Variants in EFCAB13 observed in about 807,000 individuals in gnomAD.
EFCAB13 encodes EF-hand calcium-binding domain-containing protein 13.
Under a neutral mutation model 110.2 loss-of-function variants are expected in EFCAB13, and 91 were observed. The observed-to-expected ratio is 0.83, with a 90% CI of 0.70 to 0.98. EFCAB13 has a LOEUF of 0.98. EFCAB13 is among the 50% of genes least tolerant of loss of function. The pLI is 0.00. For missense variants in EFCAB13, 968 were observed against 1,119.4 expected (o/e 0.86, Z 1.93); for synonymous variants, 323 against 369.9 (o/e 0.87, Z 1.45).
intron 9 of EFCAB13, among the ~76,000 whole-genome samples, chr17:47,351,659 T>C (rs544310983): frequency 6.6e-6 from 1 of 152,180 alleles, no homozygotes; most frequent in Non-Finnish European, 1.5e-5. Context: ...TTGATCTGTT[T>C]GAGTTCTTGG....
At chr17:47,368,374 C>T (rs888038388) in intron 10 of EFCAB13, among the ~76,000 whole-genome samples, 10 of 152,092 alleles carry the variant, frequency 6.6e-5, no homozygotes, top group African/African-American at 2.2e-4. Flanking sequence ...GGCAGACCCA[C>T]GGTTCATTGG....
Position 47,402,130 on chromosome 17 carries a change from A to G in EFCAB13, c.1946-2A>G. ...GTCTATTAAAAGTGTTTTTTCTCAC[A>G]GAAGGTGACAAAGTACAATTTGAAG... On this transcript the variant is annotated splice_acceptor_variant, in intron 17 of 24. Coordinates refer to ENST00000331493, the MANE Select transcript of EFCAB13 (RefSeq NM_152347.5). LOFTEE classifies it high-confidence loss of function. The G allele has an allele frequency of 1.9e-6, 3 of 1,613,610 alleles. No individual in the cohort carries two copies. Among genetic ancestry groups the G allele is most frequent in the Non-Finnish European group, 2.5e-6 (3 of 1,179,706 alleles).
intron 6 of EFCAB13, among the ~76,000 whole-genome samples, chr17:47,343,409 C>G (rs1263529780): frequency 6.6e-6 from 1 of 151,902 alleles, no homozygotes; most frequent in African/African-American, 2.4e-5. Context: ...TAACCTGGAG[C>G]TGGGATAGAG....
At chr17:47,389,731 A>G (rs910597609) in intron 14 of EFCAB13, among the ~76,000 whole-genome samples, 7 of 152,094 alleles carry the variant, frequency 4.6e-5, no homozygotes, top group Non-Finnish European at 7.4e-5. Context: ...TCCATGTGGT[A>G]TTGGATGTAT....
At chr17:47,372,933 C>T (rs2065593450) in intron 11 of EFCAB13, among the ~76,000 whole-genome samples, 1 of 151,960 alleles carries the variant, frequency 6.6e-6, no homozygotes, top group Non-Finnish European at 1.5e-5. Context: ...AGGCATTTGG[C>T]CTTCCTGTAC....
intron 11 of EFCAB13, among the ~76,000 whole-genome samples, chr17:47,373,865 T>G (rs1869359070): frequency 1.3e-5 from 2 of 152,180 alleles, no homozygotes; most frequent in African/African-American, 4.8e-5. Context: ...CATAGAGTTG[T>G]TTTGAGGATC....
intron 23 of EFCAB13, among the ~76,000 whole-genome samples, chr17:47,419,659 CT>C (rs1904565448): frequency 1.3e-5 from 2 of 152,206 alleles, no homozygotes; most frequent in African/African-American, 4.8e-5. Flanking sequence ...TTGGAGGAGC[CT>C]AGCTTAGTTC....
At chr17:47,359,371 C>A (rs995317957) in intron 9 of EFCAB13, among the ~76,000 whole-genome samples, 1 of 151,888 alleles carries the variant, frequency 6.6e-6, no homozygotes, top group East Asian at 1.9e-4. Flanking sequence ...AAAGACTAAT[C>A]GAATGAACAA....
intron 9 of EFCAB13, among the ~76,000 whole-genome samples, chr17:47,351,324 C>CGT (rs2065451956): frequency 3.5e-5 from 3 of 86,292 alleles, no homozygotes; most frequent in Admixed American, 2.0e-4. Flanking sequence ...CGCGCGCGCG[C>CGT]GCGCCACGTT....
At chr17:47,424,226 C>G (rs1276226441) in intron 23 of EFCAB13, among the ~76,000 whole-genome samples, 2 of 152,186 alleles carry the variant, frequency 1.3e-5, no homozygotes, top group Non-Finnish European at 1.5e-5. Flanking sequence ...AGGGGGGCTG[C>G]GGGGACTCCC....
At position 47,355,728 on chromosome 17, in the gene EFCAB13, A is replaced by G. The variant is rs113278399; in HGVS notation, c.662-5650A>G. Among the ~76,000 whole-genome samples, 1,299 of 151,922 alleles carry G rather than the reference A, an allele frequency of 8.6e-3. 13 individuals carry two copies. Among genetic ancestry groups the G allele is most frequent in the African/African-American group, 0.027 (1,107 of 41,426 alleles). ...GCTGGGACTACAGTCGCGCGCCACCAAACCCAGCTAATTTTTGTATTTTTA... is the reference window on the plus strand; with the variant it reads ...GCTGGGACTACAGTCGCGCGCCACCGAACCCAGCTAATTTTTGTATTTTTA... On this transcript the variant is annotated intron_variant, in intron 9 of 24. Transcript: ENST00000331493.
chr17:47,347,423 A>C lies in EFCAB13; in HGVS notation c.518-385A>C, dbSNP rs185593432. ...GCACTAGAAACAGAAGAATGAAAAA[A>C]TCTTGCTCCATAGAAGCTGACAGTT... On this transcript the variant is annotated intron_variant, in intron 8 of 24. Coordinates refer to ENST00000331493, the MANE Select transcript of EFCAB13 (RefSeq NM_152347.5). 3.3e-5 allele frequency among the ~76,000 whole-genome samples: 5 copies of C among 152,222 alleles called. No individual in the cohort carries two copies. The East Asian group carries it at 9.7e-4, about 30-fold the overall frequency.
chr17:47,339,350 C>T (rs143156164), intron 5 of EFCAB13, among the ~76,000 whole-genome samples: 3 of 151,960 alleles, frequency 2.0e-5, no homozygotes, highest in African/African-American at 7.2e-5. Flanking sequence ...TTTCCATGGA[C>T]GAGGGGATGG....
At position 47,367,268 on chromosome 17, in the gene EFCAB13, T is replaced by C. The variant is rs573733523; in HGVS notation, c.806-3169T>C. ...CACATAGTACTTGCTTTGCAGTGAT[T>C]TAAAGGCCTGCACCTGAAATACATA... On this transcript the variant is annotated intron_variant, in intron 10 of 24. Coordinates refer to ENST00000331493, the MANE Select transcript of EFCAB13 (RefSeq NM_152347.5). 1.5e-4 allele frequency among the ~76,000 whole-genome samples: 23 copies of C among 152,340 alleles called. No individual in the cohort carries two copies. The East Asian group carries it at 4.4e-3, about 29-fold the overall frequency.
intron 16 of EFCAB13, among the ~76,000 whole-genome samples, chr17:47,395,134 T>A (rs1410858220): frequency 6.6e-6 from 1 of 152,188 alleles, no homozygotes; most frequent in African/African-American, 2.4e-5. Flanking sequence ...CTAGACTGTC[T>A]TGCCTCCGTG....
intron 20 of EFCAB13, among the ~76,000 whole-genome samples, chr17:47,408,630 C>T (rs560135691): frequency 9.2e-5 from 14 of 152,002 alleles, no homozygotes; most frequent in Non-Finnish European, 1.9e-4. Flanking sequence ...CCAGTCGGGG[C>T]GACAGAACAA....
intron 6 of EFCAB13, 126 bp downstream of exon 6, chr17:47,342,158 C>A: frequency 1.8e-6 from 1 of 555,478 alleles, no homozygotes; most frequent in South Asian, 2.7e-5. Context: ...CCTGGTCTTG[C>A]TTCTCCTCTT....
intron 17 of EFCAB13, among the ~76,000 whole-genome samples, chr17:47,398,083 C>G (rs1310329226): frequency 1.4e-5 from 2 of 142,824 alleles, no homozygotes; most frequent in South Asian, 2.2e-4. Context: ...GCCCGCCGCC[C>G]GGCCAGCCGC....
Position 47,379,073 on chromosome 17 carries a change from GATGAA to G in EFCAB13, c.1511-103_1511-99del, listed in dbSNP as rs1354101005. ...ACATGATATGAAGGAGAAATAGGAT[GATGAA>G]ATGAAGGATCAAGTAAATTTTAAAA... On this transcript the variant is annotated intron_variant, in intron 13 of 24. Transcript: ENST00000331493. 1.6e-5 allele frequency: 12 copies of G among 727,908 alleles called. No individual in the cohort carries two copies. The African/African-American group carries it at 1.9e-4, about 12-fold the overall frequency. The allele number at this position is 727,908 out of a possible 1,614,324, so 45.1% of individuals were successfully genotyped here. A position where few individuals can be genotyped will look rare whatever the true frequency, so the allele number is the denominator to read the frequency against.
Sources: allele counts gnomAD v4.1 joint callset (sites outside exome capture counted in the v4.1 genomes callset), GRCh38; gene constraint gnomAD v4.1.1; transcripts MANE v1.5; gene names NCBI Gene and HGNC (gene_info 2026-07-23, HGNC 2026-07-21).